Variants in JPH3 observed in about 807,000 individuals in gnomAD.
JPH3 encodes the protein junctophilin 3, also known as junctophilin-3.
A neutral mutation model predicts 59.6 loss-of-function variants in JPH3; 11 were observed. That is an observed-to-expected ratio of 0.18 (90% CI 0.12 to 0.31). JPH3 has a LOEUF of 0.31. Ranked by LOEUF, JPH3 falls within the 10% of genes least tolerant of loss-of-function variation. The pLI is 1.00. For synonymous variants in JPH3, 673 were observed against 483.6 expected (o/e 1.39, Z -5.14); for missense variants, 1,202 against 1,105.7 (o/e 1.09, Z -1.24).
chr16:87,672,062 C>T (rs1337450044), intron 2 of JPH3, among the ~76,000 whole-genome samples: 1 of 152,114 alleles, frequency 6.6e-6, no homozygotes, highest in African/African-American at 2.4e-5. Context: ...TGCCCTCGCT[C>T]AACCGGGGTC....
intron 1 of JPH3, among the ~76,000 whole-genome samples, chr16:87,631,771 A>T (rs56841114): frequency 0.24 from 36,076 of 151,506 alleles, 4,539 homozygotes; most frequent in African/African-American, 0.31. Flanking sequence ...TCTTTTTTTG[A>T]TCTAGTTTCT....
At chr16:87,655,641 C>G (rs1317067547) in intron 2 of JPH3, among the ~76,000 whole-genome samples, 1 of 152,268 alleles carries the variant, frequency 6.6e-6, no homozygotes, top group Non-Finnish European at 1.5e-5. Context: ...GCGTGAGCCA[C>G]TATGCCTGGC....
intron 1 of JPH3, among the ~76,000 whole-genome samples, chr16:87,632,958 CTG>C (rs1218442268): frequency 6.6e-6 from 1 of 151,916 alleles, no homozygotes; most frequent in Non-Finnish European, 1.5e-5. Context: ...GTCTGGAACT[CTG>C]GGGCTCAAGC....
intron 2 of JPH3, among the ~76,000 whole-genome samples, chr16:87,678,432 G>A (rs897170597): frequency 6.6e-6 from 1 of 152,088 alleles, no homozygotes; most frequent in Non-Finnish European, 1.5e-5. Flanking sequence ...CCAGCTACTT[G>A]GGAGGCTGAG....
intron 1 of JPH3, 128 bp from the exon 2 acceptor site, chr16:87,644,130 C>T: frequency 3.0e-6 from 3 of 1,006,622 alleles, no homozygotes; most frequent in Admixed American, 4.9e-5. Context: ...ACAGCGAGAA[C>T]CTGTCTCAAA....
chr16:87,608,343 C>T lies in JPH3; in HGVS notation c.382+4815C>T, dbSNP rs544805439. ...TGTGAGCTAATAATGTTGAATGTAACGCCCTTTGTGTCCTTAGATGACAAA... is the reference window on the plus strand; with the variant it reads ...TGTGAGCTAATAATGTTGAATGTAATGCCCTTTGTGTCCTTAGATGACAAA... On this transcript the variant is annotated intron_variant, in intron 1 of 4. Transcript: ENST00000284262. Among the ~76,000 whole-genome samples, 8 of 152,300 alleles carry T rather than the reference C, an allele frequency of 5.3e-5. No homozygotes were observed. The South Asian group carries it at 8.3e-4, about 16-fold the overall frequency.
Position 87,643,790 on chromosome 16 carries a change from G to T in JPH3, c.383-468G>T, listed in dbSNP as rs1050186323. On this transcript the variant is annotated intron_variant, in intron 1 of 4. Transcript: ENST00000284262. The stretch of plus-strand genomic sequence containing the variant: ...TCAAAAACAGCCACTGGTGATAGAA[G>T]TTGTAGGAAGGTACCATGGTCTGTC... 3.3e-5 allele frequency among the ~76,000 whole-genome samples: 5 copies of T among 152,296 alleles called. No individual in the cohort carries two copies. In the South Asian group the frequency reaches 6.2e-4, roughly 19 times the overall value.
rs552109658 is a variant in JPH3 at position 87,689,271 on chromosome 16, G to C, written c.1286-375G>C. 4.6e-5 allele frequency among the ~76,000 whole-genome samples: 7 copies of C among 152,272 alleles called. No individual in the cohort carries two copies. The South Asian group carries it at 1.5e-3, about 32-fold the overall frequency. ...CCTCCCCAGACAGGTGGTCAGCTAG[G>C]GTGAGGGGCTTCCTCTTACCCTCAG... On this transcript the variant is annotated intron_variant, in intron 3 of 4. Transcript: ENST00000284262.
chr16:87,689,293 T>TCAGGA (rs2033495819), intron 3 of JPH3, among the ~76,000 whole-genome samples: 1 of 152,090 alleles, frequency 6.6e-6, no homozygotes, highest in African/African-American at 2.4e-5. Context: ...CCTCTTACCC[T>TCAGGA]CAGGACAGGC....
intron 2 of JPH3, among the ~76,000 whole-genome samples, chr16:87,648,916 G>C (rs1443042540): frequency 2.0e-5 from 3 of 152,256 alleles, no homozygotes; most frequent in Admixed American, 6.5e-5. Context: ...GGACGCAGAT[G>C]CTGCTGGCCT....
chr16:87,661,230 T>C (rs1449125045), intron 2 of JPH3, among the ~76,000 whole-genome samples: 1 of 152,184 alleles, frequency 6.6e-6, no homozygotes, highest in Non-Finnish European at 1.5e-5. Flanking sequence ...ACAAGGACCC[T>C]TGTGGTTCGG....
At chr16:87,656,195 C>T (rs1379621465) in intron 2 of JPH3, among the ~76,000 whole-genome samples, 1 of 152,218 alleles carries the variant, frequency 6.6e-6, no homozygotes, top group African/African-American at 2.4e-5. Flanking sequence ...GTTGCAGGTG[C>T]CGTGACACCT....
chr16:87,614,495 T>TC (rs1179009760), intron 1 of JPH3, among the ~76,000 whole-genome samples: 2 of 131,542 alleles, frequency 1.5e-5, no homozygotes, highest in Non-Finnish European at 3.3e-5. Flanking sequence ...GGTCCGCGCG[T>TC]CCCCCGCAGG....
chr16:87,688,344 G>A (rs1404033765), intron 3 of JPH3, among the ~76,000 whole-genome samples: 1 of 152,254 alleles, frequency 6.6e-6, no homozygotes, highest in Admixed American at 6.5e-5. Flanking sequence ...GGACACAGCA[G>A]CCCAGCCTGG....
intron 2 of JPH3, among the ~76,000 whole-genome samples, chr16:87,647,566 T>G (rs1373398538): frequency 6.6e-6 from 1 of 152,148 alleles, no homozygotes; most frequent in Admixed American, 6.5e-5. Context: ...CTCCGTCCCT[T>G]CGCCCGAGCG....
At position 87,603,458 on chromosome 16, in the gene JPH3, G is replaced by A; in HGVS notation, c.312G>A (p.Gly104=). ...GGGTGCGGGAGTGCGCGGGCAACGGGGCCAAATACGAAGGGACCTGGAGCA... is the reference window on the plus strand; with the variant it reads ...GGGTGCGGGAGTGCGCGGGCAACGGAGCCAAATACGAAGGGACCTGGAGCA... The part of the protein sequence containing the change: ...RYGVRECAGN[G]AKYEGTWSNG... The change falls in exon 1 of 5, where the codon GGG becomes GGA. Residue 104 remains glycine (G), a synonymous_variant. Coordinates refer to ENST00000284262, the MANE Select transcript of JPH3 (RefSeq NM_020655.4). The A allele has an allele frequency of 6.4e-7, 1 of 1,562,316 alleles. No homozygotes were observed. The highest frequency in any genetic ancestry group is 8.7e-7 in the Non-Finnish European group (1 of 1,153,936).
At chr16:87,641,080 A>C (rs1461796819) in intron 1 of JPH3, among the ~76,000 whole-genome samples, 1 of 152,140 alleles carries the variant, frequency 6.6e-6, no homozygotes, top group Non-Finnish European at 1.5e-5. Context: ...GGTGGTTCCG[A>C]GTCAGCTGCC....
At chr16:87,639,612 C>A (rs71392306) in intron 1 of JPH3, among the ~76,000 whole-genome samples, 38,825 of 149,654 alleles carry the variant, frequency 0.26, 5,344 homozygotes, top group South Asian at 0.35. Flanking sequence ...TCCCTCCTGT[C>A]CTCCCTCCTG....
intron 1 of JPH3, among the ~76,000 whole-genome samples, chr16:87,636,677 G>T (rs2031760181): frequency 6.6e-6 from 1 of 152,192 alleles, no homozygotes; most frequent in South Asian, 2.1e-4. Context: ...ACTGATATCA[G>T]TTATAAAATC....
Sources: allele counts gnomAD v4.1 joint callset (sites outside exome capture counted in the v4.1 genomes callset), GRCh38; gene constraint gnomAD v4.1.1; transcripts MANE v1.5; gene names NCBI Gene and HGNC (gene_info 2026-07-23, HGNC 2026-07-21).